Variants in PBRM1 observed in about 807,000 individuals in gnomAD.
PBRM1 encodes protein polybromo-1.
A neutral mutation model predicts 194.5 loss-of-function variants in PBRM1; 27 were observed. That is an observed-to-expected ratio of 0.14 (90% CI 0.10 to 0.19). PBRM1 has a LOEUF of 0.19. Among genes scored for constraint, PBRM1 ranks in the 10% least tolerant of loss-of-function variants. The pLI is 1.00. For synonymous variants in PBRM1, 655 were observed against 693.2 expected (o/e 0.94, Z 0.87); for missense variants, 1,466 against 2,077.2 (o/e 0.71, Z 5.72).
At chr3:52,586,753 A>G (rs1264127391) in intron 19 of PBRM1, 65 bp from the exon 22 acceptor site, 1 of 1,116,980 alleles carries the variant, frequency 9.0e-7, no homozygotes, top group Non-Finnish European at 1.3e-6. Context: ...TCAATCAAAA[A>G]AAAAAAAAAA....
At chr3:52,677,931 C>T (rs941521061) in intron 2 of PBRM1, among the ~76,000 whole-genome samples, 3 of 152,090 alleles carry the variant, frequency 2.0e-5, no homozygotes, top group Non-Finnish European at 4.4e-5. Flanking sequence ...AGTGCAGTGA[C>T]ACTCATGGCT....
In PBRM1 at chr3:52,632,233, T is replaced by C. The variant is rs114196993; in HGVS notation, c.1301+2369A>G. On this transcript the variant is annotated intron_variant, in intron 11 of 29. Transcript: ENST00000296302. ...GGATTTTTGACTTTCAGAGATATCA[T>C]ACAGAGTCCAAAAATATACTCCATG... 7.2e-3 allele frequency among the ~76,000 whole-genome samples: 1,099 copies of C among 152,280 alleles called. 11 individuals are homozygous for C. Among genetic ancestry groups the C allele is most frequent in the African/African-American group, 0.025 (1,036 of 41,550 alleles).
intron 13 of PBRM1, among the ~76,000 whole-genome samples, chr3:52,625,179 G>A (rs867401791): frequency 2.0e-5 from 3 of 152,072 alleles, no homozygotes; most frequent in South Asian, 2.1e-4. Flanking sequence ...AAAAAAAGGC[G>A]AAGGCAGAAT....
chr3:52,630,999 GACTATC>G (rs1427747247), intron 11 of PBRM1, among the ~76,000 whole-genome samples: 12 of 152,258 alleles, frequency 7.9e-5, no homozygotes, highest in African/African-American at 2.9e-4. Context: ...ACATCTGCAA[GACTATC>G]ACTATCTTTT....
chr3:52,555,392 C>T (rs908373481), intron 26 of PBRM1, among the ~76,000 whole-genome samples: 1 of 152,202 alleles, frequency 6.6e-6, no homozygotes, highest in African/African-American at 2.4e-5. Context: ...AGGAATTGTT[C>T]AAGACTTCTA....
intron 5 of PBRM1, 63 bp from the exon 7 acceptor site, chr3:52,651,873 G>A (rs1382247485): frequency 9.6e-7 from 1 of 1,046,032 alleles, no homozygotes; most frequent in Non-Finnish European, 1.4e-6. Context: ...AAAAGAGAAG[G>A]AAGTACATTG....
chr3:52,662,017 C>T (rs1020387441), intron 4 of PBRM1, 116 bp downstream of exon 5: 3 of 1,006,122 alleles, frequency 3.0e-6, no homozygotes, highest in Admixed American at 2.4e-5. Context: ...CTCCCAGTTA[C>T]CAATACAATT....
At chr3:52,591,511 GTTTTTTTTTT>G (rs57736913) in intron 17 of PBRM1, among the ~76,000 whole-genome samples, 34 of 71,842 alleles carry the variant, frequency 4.7e-4, no homozygotes, top group Non-Finnish European at 7.9e-4. Context: ...TTTTGTCTTT[GTTTTTTTTTT>G]TTTTTTTTTT....
intron 20 of PBRM1, 185 bp from the exon 23 acceptor site, chr3:52,579,384 G>A: frequency 1.7e-6 from 1 of 605,146 alleles, no homozygotes. Flanking sequence ...CCAAGAGTTT[G>A]AGACCAGCTT....
intron 2 of PBRM1, among the ~76,000 whole-genome samples, chr3:52,675,103 T>C (rs910165464): frequency 3.3e-5 from 5 of 152,154 alleles, no homozygotes; most frequent in African/African-American, 9.7e-5. Context: ...TAGGAAAACA[T>C]GTATGCCAAC....
chr3:52,641,789 C>T (rs945943833), intron 10 of PBRM1, among the ~76,000 whole-genome samples, 165 bp downstream of exon 11: 1 of 152,078 alleles, frequency 6.6e-6, no homozygotes, highest in African/African-American at 2.4e-5. Flanking sequence ...CAAGATAAAG[C>T]ATTAACCTTT....
chr3:52,641,316 G>A (rs1258086701), intron 10 of PBRM1, among the ~76,000 whole-genome samples: 2 of 151,546 alleles, frequency 1.3e-5, no homozygotes, highest in East Asian at 1.9e-4. Context: ...GTGTGGTGGC[G>A]CGTGTCTGTA....
rs557747564 is a variant in PBRM1, at chr3:52,618,876, C to A, written c.1542-1338G>T. Among the ~76,000 whole-genome samples the A allele has an allele frequency of 3.9e-5, 6 of 152,230 alleles. No homozygotes were observed. In the East Asian group the frequency reaches 1.2e-3, roughly 29 times the overall value. ...AAGCAATTCTCTTGCCTCAGCCTCC[C>A]GAGTAGCTAGGATTACAGGCATGCA... On this transcript the variant is annotated intron_variant, in intron 13 of 29. Coordinates refer to ENST00000296302, the Ensembl canonical transcript of PBRM1.
chr3:52,665,330 ATTT>A (rs5848957), intron 3 of PBRM1, among the ~76,000 whole-genome samples: 1 of 146,794 alleles, frequency 6.8e-6, no homozygotes. Context: ...AATTAAAACA[ATTT>A]TTTTTTTTTT....
intron 13 of PBRM1, 76 bp from the exon 15 acceptor site, chr3:52,625,017 G>T: frequency 1.0e-6 from 1 of 967,134 alleles, no homozygotes; most frequent in Non-Finnish European, 1.6e-6. Context: ...TACAAACCAT[G>T]TATGGTTGAA....
intron 13 of PBRM1, among the ~76,000 whole-genome samples, chr3:52,622,134 G>C (rs953165293): frequency 1.3e-5 from 2 of 152,152 alleles, no homozygotes; most frequent in Non-Finnish European, 2.9e-5. Context: ...AAGGTCAGGA[G>C]TTCGAGACCA....
intron 17 of PBRM1, among the ~76,000 whole-genome samples, chr3:52,594,824 T>C (rs903233529): frequency 2.0e-5 from 3 of 152,206 alleles, no homozygotes; most frequent in African/African-American, 7.2e-5. Flanking sequence ...CTCCTTTGCT[T>C]ATGAAGCTTG....
At chr3:52,660,497 G>A (rs1289029795) in intron 4 of PBRM1, among the ~76,000 whole-genome samples, 7 of 151,726 alleles carry the variant, frequency 4.6e-5, no homozygotes, top group Non-Finnish European at 8.8e-5. Flanking sequence ...TATATTTTGT[G>A]TATATCTATC....
intron 13 of PBRM1, 135 bp from the exon 16 acceptor site, chr3:52,617,673 A>C: frequency 1.6e-6 from 1 of 642,712 alleles, no homozygotes; most frequent in African/African-American, 1.9e-5. Flanking sequence ...ATATGCCACA[A>C]ACACAGTAAC....
Sources: gnomAD v4.1 joint callset for allele counts (sites outside exome capture counted in the v4.1 genomes callset) on GRCh38, gnomAD v4.1.1 for gene constraint, MANE v1.5 for transcripts, NCBI Gene and HGNC (gene_info 2026-07-23, HGNC 2026-07-21) for gene names.